Variants in NDST4 observed in about 807,000 individuals in gnomAD.
The protein encoded by NDST4 is N-heparan sulfate sulfotransferase 4.
Under a neutral mutation model 100.8 loss-of-function variants are expected in NDST4, and 63 were observed. The ratio of observed to expected loss-of-function variants is 0.62; its 90% CI spans 0.51 to 0.77. The LOEUF (loss-of-function observed/expected upper bound fraction) is 0.77, where lower values mean the gene tolerates loss of function less well. Ranked by LOEUF, NDST4 falls within the 30% of genes least tolerant of loss-of-function variation. NDST4 has a pLI of 0.00. For missense variants in NDST4, 943 were observed against 1,018.4 expected, an observed-to-expected ratio of 0.93 and a Z score of 1.01; for synonymous variants, 377 against 361.8, an observed-to-expected ratio of 1.04 and a Z score of -0.48.
chr4:115,033,156 TA>T (rs72006821), intron 2 of NDST4, among the ~76,000 whole-genome samples: 43,792 of 95,622 alleles, frequency 0.46, 7,839 homozygotes, highest in Non-Finnish European at 0.49. Flanking sequence ...TATATATATA[TA>T]TTTTTTTTTT....
At chr4:114,913,869 T>C (rs1322026025) in intron 6 of NDST4, among the ~76,000 whole-genome samples, 1 of 152,018 alleles carries the variant, frequency 6.6e-6, no homozygotes, top group African/African-American at 2.4e-5. Context: ...ATTTTGAGGA[T>C]ACTTGTTCAA....
intron 6 of NDST4, among the ~76,000 whole-genome samples, chr4:114,898,765 C>G (rs1724770287): frequency 1.3e-5 from 2 of 151,944 alleles, no homozygotes; most frequent in Admixed American, 1.3e-4. Context: ...TAGAATTATA[C>G]CTAAATATTT....
intron 7 of NDST4, among the ~76,000 whole-genome samples, chr4:114,865,161 G>GTCAAGTGATTCTCCTGCC (rs1724001153): frequency 6.6e-6 from 1 of 151,434 alleles, no homozygotes; most frequent in South Asian, 2.1e-4. Flanking sequence ...GCCTCCTGGA[G>GTCAAGTGATTCTCCTGCC]TCAAGTGATT....
At chr4:114,867,449 T>C (rs1724050188) in intron 7 of NDST4, among the ~76,000 whole-genome samples, 1 of 152,006 alleles carries the variant, frequency 6.6e-6, no homozygotes, top group Non-Finnish European at 1.5e-5. Flanking sequence ...AGCATTCTCC[T>C]AGTCACACAG....
chr4:115,021,398 C>G (rs1262768234), intron 2 of NDST4, among the ~76,000 whole-genome samples: 1 of 150,808 alleles, frequency 6.6e-6, no homozygotes, highest in Admixed American at 6.6e-5. Flanking sequence ...ATATACATTC[C>G]ATATAAATAC....
intron 6 of NDST4, among the ~76,000 whole-genome samples, chr4:114,891,742 T>C (rs1208686573): frequency 6.6e-6 from 1 of 152,120 alleles, no homozygotes. Flanking sequence ...CCGACAGAAA[T>C]GTTCACTGCT....
chr4:114,954,978 T>C (rs1041043149), intron 4 of NDST4, among the ~76,000 whole-genome samples: 5 of 152,174 alleles, frequency 3.3e-5, no homozygotes, highest in African/African-American at 1.2e-4. Flanking sequence ...AGAAGCTTCC[T>C]GGGACCTCTC....
At chr4:115,086,848 A>G (rs1333818421) in intron 1 of NDST4, among the ~76,000 whole-genome samples, 1 of 152,062 alleles carries the variant, frequency 6.6e-6, no homozygotes, top group East Asian at 1.9e-4. Context: ...TTATTAGAAA[A>G]ACATGGGGAT....
intron 3 of NDST4, among the ~76,000 whole-genome samples, chr4:114,971,494 A>AT (rs776364316): frequency 1.3e-5 from 2 of 152,122 alleles, no homozygotes; most frequent in Non-Finnish European, 2.9e-5. Context: ...ATTTTGTACA[A>AT]TTTTACTATA....
At chr4:114,875,473 G>C (rs1318077698) in intron 6 of NDST4, among the ~76,000 whole-genome samples, 1 of 152,062 alleles carries the variant, frequency 6.6e-6, no homozygotes, top group African/African-American at 2.4e-5. Context: ...TGTATCTAAA[G>C]TTCAAGGAAA....
chr4:114,987,494 T>A (rs965845151), intron 2 of NDST4, among the ~76,000 whole-genome samples: 2 of 152,146 alleles, frequency 1.3e-5, no homozygotes, highest in Non-Finnish European at 2.9e-5. Context: ...TGAGCTACCT[T>A]CTTCTTCAAG....
intron 8 of NDST4, among the ~76,000 whole-genome samples, chr4:114,851,237 C>T (rs985065124): frequency 6.6e-6 from 1 of 152,120 alleles, no homozygotes; most frequent in Non-Finnish European, 1.5e-5. Flanking sequence ...GGGTGTTTTG[C>T]CAACTGAAGC....
chr4:114,949,088 G>A (rs925731568), intron 4 of NDST4, among the ~76,000 whole-genome samples: 51 of 151,966 alleles, frequency 3.4e-4, no homozygotes, highest in African/African-American at 1.1e-3. Flanking sequence ...TAGAAACAAG[G>A]GTGATCACTG....
At chr4:114,992,690 T>G (rs530055826) in intron 2 of NDST4, among the ~76,000 whole-genome samples, 4 of 152,002 alleles carry the variant, frequency 2.6e-5, no homozygotes, top group African/African-American at 7.2e-5. Context: ...ATTTTACAAT[T>G]TTCAAAAGGT....
rs72681427 is a variant in NDST4 at position 114,940,762 on chromosome 4, C to T, written c.1222-3259G>A. On this transcript the variant is annotated intron_variant, in intron 4 of 13. Coordinates refer to ENST00000264363, the MANE Select transcript of NDST4 (RefSeq NM_022569.3). ...GAATTGAAGGGTGGTGAATGTGGGGCGGGTTTATTGAGTTTGTCCATGGTC... is the reference window on the plus strand; with the variant it reads ...GAATTGAAGGGTGGTGAATGTGGGGTGGGTTTATTGAGTTTGTCCATGGTC... 3.3e-5 allele frequency among the ~76,000 whole-genome samples: 5 copies of T among 152,146 alleles called. No homozygotes were observed. In the Middle Eastern group the frequency reaches 0.014, roughly 414 times the overall value.
chr4:115,077,726 G>C (rs531327186), intron 1 of NDST4, among the ~76,000 whole-genome samples: 55 of 152,230 alleles, frequency 3.6e-4, no homozygotes, highest in South Asian at 1.0e-3. Flanking sequence ...TGAGTCTCTG[G>C]AATTCCCAGC....
intron 6 of NDST4, among the ~76,000 whole-genome samples, chr4:114,907,824 T>C (rs1186121345): frequency 1.3e-5 from 2 of 151,998 alleles, no homozygotes; most frequent in Admixed American, 6.6e-5. Flanking sequence ...TCCTAACTTA[T>C]AGGCATGAGA....
chr4:114,981,021 G>A (rs895375469), intron 2 of NDST4, among the ~76,000 whole-genome samples: 1 of 152,034 alleles, frequency 6.6e-6, no homozygotes, highest in African/African-American at 2.4e-5. Flanking sequence ...AAGCCAGCCT[G>A]GGCAACATGG....
At chr4:115,059,276 C>T (rs1728767838) in intron 2 of NDST4, among the ~76,000 whole-genome samples, 1 of 151,916 alleles carries the variant, frequency 6.6e-6, no homozygotes, top group South Asian at 2.1e-4. Context: ...ATGGAATGAA[C>T]AATACAATCT....
Sources: gnomAD v4.1 joint callset for allele counts (sites outside exome capture counted in the v4.1 genomes callset) on GRCh38, gnomAD v4.1.1 for gene constraint, MANE v1.5 for transcripts, NCBI Gene and HGNC (gene_info 2026-07-23, HGNC 2026-07-21) for gene names.